Variants in PPP1R12A observed in about 807,000 individuals in gnomAD.
PPP1R12A encodes myosin binding subunit.
Under a neutral mutation model 139.6 loss-of-function variants are expected in PPP1R12A, and 19 were observed. The observed-to-expected ratio is 0.14, with a 90% CI of 0.09 to 0.20. The LOEUF (loss-of-function observed/expected upper bound fraction) is 0.20. Ranked by LOEUF, PPP1R12A falls within the 10% of genes least tolerant of loss-of-function variation. PPP1R12A has a pLI of 1.00. For missense variants in PPP1R12A, 925 were observed against 1,211.5 expected, an observed-to-expected ratio of 0.76 and a Z score of 3.51; for synonymous variants, 427 against 420.6, an observed-to-expected ratio of 1.02 and a Z score of -0.19.
intron 1 of PPP1R12A, among the ~76,000 whole-genome samples, chr12:79,913,110 A>G (rs1024205812): frequency 6.6e-6 from 1 of 152,214 alleles, no homozygotes; most frequent in Non-Finnish European, 1.5e-5. Context: ...AATGAGATTG[A>G]ATAACTTTTT....
intron 22 of PPP1R12A, chr12:79,782,716 C>T: frequency 3.4e-6 from 1 of 292,236 alleles, no homozygotes; most frequent in Non-Finnish European, 7.0e-6. Flanking sequence ...CCTTGGAATT[C>T]CTGGTCAATT....
In PPP1R12A at chr12:79,883,030, G is replaced by T. The variant is rs113590576; in HGVS notation, c.238-10092C>A. Among the ~76,000 whole-genome samples the T allele has an allele frequency of 9.7e-3, 1,482 of 152,170 alleles. 32 individuals are homozygous for T. The highest frequency in any genetic ancestry group is 0.034 in the African/African-American group (1,427 of 41,502). On this transcript the variant is annotated intron_variant, in intron 1 of 24. Transcript: ENST00000450142. ...CACGCACCTATAATCCCAGCTACTCGGGAGGTGGAGGCAGGAGAATTGCTT... is the reference window on the plus strand; with the variant it reads ...CACGCACCTATAATCCCAGCTACTCTGGAGGTGGAGGCAGGAGAATTGCTT...
At position 79,862,901 on chromosome 12, in the gene PPP1R12A, A is replaced by AT. The variant is rs987297172; in HGVS notation, c.368+9906dup. On this transcript the variant is annotated intron_variant, in intron 2 of 24. Transcript: ENST00000450142. ...CAAGTTGGAAAACACTCTGCAGGAT[A>AT]TTATCCAGGAGAACTTCCCCAACCT... is the stretch of plus-strand genomic sequence containing the variant. Among the ~76,000 whole-genome samples, 134 of 152,332 alleles carry AT rather than the reference A, an allele frequency of 8.8e-4. 3 individuals are homozygous for AT. Among genetic ancestry groups the AT allele is most frequent in the African/African-American group, 3.1e-3 (127 of 41,590 alleles).
intron 5 of PPP1R12A, 92 bp from the exon 6 acceptor site, chr12:79,822,282 T>A: frequency 1.2e-6 from 1 of 851,146 alleles, no homozygotes; most frequent in East Asian, 2.8e-5. Context: ...TATAAAGACG[T>A]TGGATAACAT....
intron 9 of PPP1R12A, among the ~76,000 whole-genome samples, chr12:79,814,588 G>A (rs984325735): frequency 1.3e-5 from 2 of 150,562 alleles, no homozygotes; most frequent in African/African-American, 4.9e-5. Context: ...GGCCGAGACG[G>A]GTGGATCACC....
chr12:79,899,229 TAA>T (rs1305091901), intron 1 of PPP1R12A, among the ~76,000 whole-genome samples: 9 of 131,738 alleles, frequency 6.8e-5, no homozygotes, highest in East Asian at 4.8e-4. Flanking sequence ...GCAGAGATCT[TAA>T]AAATATATAT....
intron 14 of PPP1R12A, among the ~76,000 whole-genome samples, chr12:79,801,163 T>A (rs1873093825): frequency 1.3e-5 from 2 of 151,068 alleles, no homozygotes; most frequent in South Asian, 4.2e-4. Context: ...CTGACCAACA[T>A]GGAGAAACCC....
At chr12:79,826,520 T>C (rs926599929) in intron 5 of PPP1R12A, among the ~76,000 whole-genome samples, 4 of 151,890 alleles carry the variant, frequency 2.6e-5, no homozygotes, top group African/African-American at 9.7e-5. Flanking sequence ...TCTTTTACTA[T>C]CACATAAAGA....
At chr12:79,909,847 G>A (rs1313812029) in intron 1 of PPP1R12A, among the ~76,000 whole-genome samples, 4 of 151,592 alleles carry the variant, frequency 2.6e-5, no homozygotes, top group East Asian at 1.9e-4. Flanking sequence ...TCACTCTGTC[G>A]CCCAGGCATC....
intron 1 of PPP1R12A, among the ~76,000 whole-genome samples, chr12:79,925,735 G>A (rs1296945411): frequency 2.0e-5 from 3 of 152,106 alleles, no homozygotes; most frequent in Admixed American, 6.5e-5. Context: ...GAACTCAAGC[G>A]TGTCTTTTTA....
chr12:79,775,891 A>C lies in PPP1R12A; in HGVS notation c.*38T>G. The C allele has an allele frequency of 1.4e-6, 2 of 1,416,484 alleles. No homozygotes were observed. Among genetic ancestry groups the C allele is most frequent in the Non-Finnish European group, 1.9e-6 (2 of 1,039,512 alleles). The allele number at this position is 1,416,484 out of a possible 1,614,324, so 87.7% of individuals were successfully genotyped here. A position where few individuals can be genotyped will look rare whatever the true frequency, so the allele number is the denominator to read the frequency against. On this transcript the variant is annotated 3_prime_UTR_variant, in exon 25 of 25. Coordinates refer to ENST00000450142, the MANE Select transcript of PPP1R12A (RefSeq NM_002480.3). ...GCCAATTATGGTCCACTGGGTTACT[A>C]ATATGTGCAATTCCATTACTTGCTG...
intron 17 of PPP1R12A, 46 bp from the exon 18 acceptor site, chr12:79,795,805 A>C (rs1172029749): frequency 6.4e-7 from 1 of 1,574,634 alleles, no homozygotes; most frequent in East Asian, 2.3e-5. Flanking sequence ...ATATCTTGAC[A>C]ATATTTTGCA....
At position 79,773,920 on chromosome 12, in the gene PPP1R12A, T is replaced by C. The variant is rs1369518283; in HGVS notation, c.*2009A>G. On this transcript the variant is annotated 3_prime_UTR_variant, in exon 25 of 25. Coordinates refer to ENST00000450142, the MANE Select transcript of PPP1R12A (RefSeq NM_002480.3). Reference sequence around the variant, plus strand: ...AGTTTCATGCAGAAACAAGGTCTGCTCAATACTACCAATAAAATCAATATA... The same window carrying C: ...AGTTTCATGCAGAAACAAGGTCTGCCCAATACTACCAATAAAATCAATATA... 3 of 152,212 alleles carry C rather than the reference T, an allele frequency of 2.0e-5. No homozygotes were observed. The highest frequency in any genetic ancestry group is 7.2e-5 in the African/African-American group (3 of 41,462). 9.4% of individuals were successfully genotyped at this position (152,212 alleles called of 1,614,324 possible). A position where few individuals can be genotyped will look rare whatever the true frequency, so the allele number is the denominator to read the frequency against.
chr12:79,891,715 A>T (rs1019860888), intron 1 of PPP1R12A, among the ~76,000 whole-genome samples: 3 of 152,190 alleles, frequency 2.0e-5, no homozygotes, highest in Admixed American at 2.0e-4. Flanking sequence ...TTATAAAAAG[A>T]CTATGGCTTC....
intron 9 of PPP1R12A, 100 bp from the exon 10 acceptor site, chr12:79,810,110 T>A (rs998097092): frequency 1.0e-6 from 1 of 961,788 alleles, no homozygotes; most frequent in African/African-American, 1.7e-5. Context: ...TATTTAAAAT[T>A]ATGGTTTACA....
chr12:79,913,168 ATTTTG>A (rs1886723831), intron 1 of PPP1R12A, among the ~76,000 whole-genome samples: 1 of 152,128 alleles, frequency 6.6e-6, no homozygotes, highest in Non-Finnish European at 1.5e-5. Flanking sequence ...GCATCTGTGT[ATTTTG>A]TTGTTTAAAA....
chr12:79,900,760 T>C (rs1187789089), intron 1 of PPP1R12A, among the ~76,000 whole-genome samples: 1 of 152,098 alleles, frequency 6.6e-6, no homozygotes, highest in African/African-American at 2.4e-5. Flanking sequence ...TGTACCAAAA[T>C]CAATGCAGCA....
chr12:79,809,751 AATC>A lies in PPP1R12A; in HGVS notation c.1455+41_1455+43del, dbSNP rs777106605. The A allele has an allele frequency of 5.4e-6, 8 of 1,470,440 alleles. No homozygotes were observed. In the Admixed American group the frequency reaches 1.6e-4, roughly 29 times the overall value. The allele number at this position is 1,470,440 out of a possible 1,614,324, so 91.1% of individuals were successfully genotyped here. On this transcript the variant is annotated intron_variant, in intron 10 of 24. Transcript: ENST00000450142. ...CCAGATTTGATGTTCCTGGAAAAGA[AATC>A]ATAACAGTTTTCATAGAAACCAGAC...
intron 18 of PPP1R12A, among the ~76,000 whole-genome samples, chr12:79,795,275 T>C (rs183929803): frequency 1.4e-4 from 21 of 152,270 alleles, no homozygotes; most frequent in Non-Finnish European, 2.6e-4. Context: ...ATCTGTAATG[T>C]AGATCTTATA....
Sources: gnomAD v4.1 joint callset for allele counts (sites outside exome capture counted in the v4.1 genomes callset) on GRCh38, gnomAD v4.1.1 for gene constraint, MANE v1.5 for transcripts, NCBI Gene and HGNC (gene_info 2026-07-23, HGNC 2026-07-21) for gene names.